DDR2: variants seen among roughly 807,000 people sequenced by gnomAD.
DDR2 encodes the protein discoidin domain-containing receptor 2.
Under a neutral mutation model 94.9 loss-of-function variants are expected in DDR2, and 27 were observed. The observed-to-expected ratio is 0.28, with a 90% CI of 0.21 to 0.39. The LOEUF (loss-of-function observed/expected upper bound fraction) is 0.39. DDR2 is among the 10% of genes least tolerant of loss of function. The pLI is 1.00. For missense variants in DDR2, 783 were observed against 1,076.0 expected (o/e 0.73, Z 3.81); for synonymous variants, 382 against 377.2 (o/e 1.01, Z -0.15).
chr1:162,683,154 C>G (rs1440200216), intron 2 of DDR2, among the ~76,000 whole-genome samples: 1 of 151,976 alleles, frequency 6.6e-6, no homozygotes, highest in African/African-American at 2.4e-5. Context: ...TCATTCATGA[C>G]TTAAAAAAAA....
chr1:162,658,609 A>G (rs551371819), intron 2 of DDR2, among the ~76,000 whole-genome samples: 1 of 148,022 alleles, frequency 6.8e-6, no homozygotes, highest in Non-Finnish European at 1.5e-5. Flanking sequence ...AGGAAGGATC[A>G]CTTGAGCCAG....
At chr1:162,686,640 C>T (rs545916844) in intron 2 of DDR2, among the ~76,000 whole-genome samples, 86 of 152,232 alleles carry the variant, frequency 5.6e-4, no homozygotes, top group African/African-American at 2.0e-3. Flanking sequence ...GGGTTGATTC[C>T]AAGTTTTTGC....
intron 11 of DDR2, among the ~76,000 whole-genome samples, chr1:162,767,591 C>G (rs79843300): frequency 6.6e-6 from 1 of 152,116 alleles, no homozygotes; most frequent in East Asian, 1.9e-4. Context: ...GCAGAAAACT[C>G]TTCTTAATAC....
At chr1:162,680,940 G>A (rs375363876) in intron 2 of DDR2, among the ~76,000 whole-genome samples, 1 of 152,178 alleles carries the variant, frequency 6.6e-6, no homozygotes, top group African/African-American at 2.4e-5. Flanking sequence ...AAGTCAGTCT[G>A]GCTTCTTTTC....
chr1:162,710,002 G>A (rs904224477), intron 2 of DDR2, among the ~76,000 whole-genome samples: 4 of 152,202 alleles, frequency 2.6e-5, no homozygotes, highest in Non-Finnish European at 5.9e-5. Context: ...AGTGTGTACA[G>A]TACAGACAGG....
At chr1:162,776,105 C>T (rs2102197801) in intron 15 of DDR2, 31 bp from the exon 16 acceptor site, 1 of 1,575,022 alleles carries the variant, frequency 6.3e-7, no homozygotes, top group South Asian at 1.1e-5. Flanking sequence ...TTTCCATAGG[C>T]TACCTTCTGT....
chr1:162,769,614 A>C (rs1192412998), intron 11 of DDR2, among the ~76,000 whole-genome samples: 1 of 152,228 alleles, frequency 6.6e-6, no homozygotes, highest in African/African-American at 2.4e-5. Context: ...GTTTAAACCC[A>C]AATAGTCACA....
chr1:162,739,635 A>G (rs1358370719), intron 3 of DDR2, among the ~76,000 whole-genome samples: 1 of 152,124 alleles, frequency 6.6e-6, no homozygotes, highest in Non-Finnish European at 1.5e-5. Flanking sequence ...TCCACTATTG[A>G]TGGGCACCTA....
chr1:162,747,541 G>C (rs1276929978), intron 3 of DDR2, among the ~76,000 whole-genome samples: 1 of 151,526 alleles, frequency 6.6e-6, no homozygotes, highest in Admixed American at 6.6e-5. Flanking sequence ...ACCTGAAAGT[G>C]ACGGGGAGAA....
At chr1:162,772,846 C>T (rs1253927416) in intron 13 of DDR2, among the ~76,000 whole-genome samples, 1 of 152,192 alleles carries the variant, frequency 6.6e-6, no homozygotes, top group African/African-American at 2.4e-5. Flanking sequence ...CTAATAGGAA[C>T]TCTTCACCAC....
chr1:162,723,811 T>C (rs1406490761), intron 3 of DDR2, among the ~76,000 whole-genome samples: 1 of 152,172 alleles, frequency 6.6e-6, no homozygotes, highest in Non-Finnish European at 1.5e-5. Context: ...TTTCCCCTCA[T>C]AGGAAGCAGG....
chr1:162,710,764 G>GCACACACACACACACA lies in DDR2; in HGVS notation c.-27-8264_-27-8249dup, dbSNP rs113812328. 5.9e-4 allele frequency among the ~76,000 whole-genome samples: 87 copies of GCACACACACACACACA among 148,144 alleles called. 1 individual carries two copies. The highest frequency in any genetic ancestry group is 2.1e-3 in the African/African-American group (83 of 40,346). On this transcript the variant is annotated intron_variant, in intron 2 of 17. Transcript: ENST00000367921. ...AAATGCAAGTGCCACACACAGTCAT[G>GCACACACACACACACA]CACACACACACACACACACACACAA...
chr1:162,660,483 A>G (rs975657886), intron 2 of DDR2, among the ~76,000 whole-genome samples: 3 of 152,140 alleles, frequency 2.0e-5, no homozygotes, highest in Non-Finnish European at 4.4e-5. Flanking sequence ...AAAATGCAGG[A>G]TCTAGGACCT....
chr1:162,751,403 T>A (rs911621536), intron 3 of DDR2, among the ~76,000 whole-genome samples: 1 of 152,178 alleles, frequency 6.6e-6, no homozygotes, highest in African/African-American at 2.4e-5. Context: ...AAAATGCTCA[T>A]CACCACTGGT....
In DDR2 at chr1:162,759,721, TA is replaced by T. The variant is rs972187627; in HGVS notation, c.672-71del. 41 of 1,572,040 alleles carry T rather than the reference TA, an allele frequency of 2.6e-5. No individual in the cohort carries two copies. In the African/African-American group the frequency reaches 5.4e-4, roughly 21 times the overall value. The stretch of plus-strand genomic sequence containing the variant: ...CAAAATCTGGAGTGAAGATGCCGGG[TA>T]AAAGCTCTTCCACGAATGTGTGGTT... On this transcript the variant is annotated intron_variant, in intron 7 of 17. Coordinates refer to ENST00000367921, the MANE Select transcript of DDR2 (RefSeq NM_006182.4).
In DDR2 at chr1:162,770,313, G is replaced by A. The variant is rs1433031157; in HGVS notation, c.1305G>A (p.Arg435=). ...WQKMLEKASR[R]MLDDEMTVSL... is the part of the protein sequence containing the mutation. ...CTCTTCTCTTCCAGGCTTCTCGGAG[G>A]ATGCTGGATGATGAAATGACAGTCA... Residue 435 remains arginine, a synonymous_variant, in exon 12 of 18, where the codon AGG becomes AGA. Transcript: ENST00000367921. 2 of 1,614,038 alleles carry A rather than the reference G, an allele frequency of 1.2e-6. No individual in the cohort carries two copies. The highest frequency in any genetic ancestry group is 1.1e-5 in the South Asian group (1 of 91,058).
chr1:162,714,925 G>T (rs978277081), intron 2 of DDR2, among the ~76,000 whole-genome samples: 1 of 152,108 alleles, frequency 6.6e-6, no homozygotes, highest in African/African-American at 2.4e-5. Flanking sequence ...TTGTCAAAGG[G>T]GTTTGTACTA....
At position 162,721,200 on chromosome 1, in the gene DDR2, C is replaced by T. The variant is rs543912510; in HGVS notation, c.82+2055C>T. 4.6e-5 allele frequency among the ~76,000 whole-genome samples: 7 copies of T among 152,226 alleles called. No homozygotes were observed. In the South Asian group the frequency reaches 6.2e-4, roughly 14 times the overall value. On this transcript the variant is annotated intron_variant, in intron 3 of 17. Coordinates refer to ENST00000367921, the MANE Select transcript of DDR2 (RefSeq NM_006182.4). ...CATAGTCATGGAGACTGGCATGCCA[C>T]GAGGACATTTAAATGACTAACCAGG...
chr1:162,725,796 T>G (rs1246953333), intron 3 of DDR2, among the ~76,000 whole-genome samples: 1 of 152,202 alleles, frequency 6.6e-6, no homozygotes, highest in Non-Finnish European at 1.5e-5. Flanking sequence ...TGAAATTGCA[T>G]CCCAAACTTA....
Sources: allele counts gnomAD v4.1 joint callset (sites outside exome capture counted in the v4.1 genomes callset), GRCh38; gene constraint gnomAD v4.1.1; transcripts MANE v1.5; gene names NCBI Gene and HGNC (gene_info 2026-07-23, HGNC 2026-07-21).